Variants in B3GAT1 observed in about 807,000 individuals in gnomAD.
The protein encoded by B3GAT1 is galactosylgalactosylxylosylprotein 3-beta-glucuronosyltransferase 1.
B3GAT1 carries 11 observed loss-of-function variants against 28.4 expected under a neutral mutation model. That is an observed-to-expected ratio of 0.39 (90% CI 0.24 to 0.64). B3GAT1 has a LOEUF of 0.64. Ranked by LOEUF, B3GAT1 falls within the 30% of genes least tolerant of loss-of-function variation. B3GAT1 has a pLI of 0.50. For synonymous variants in B3GAT1, 255 were observed against 223.1 expected (o/e 1.14, Z -1.27); for missense variants, 375 against 491.0 (o/e 0.76, Z 2.23).
chr11:134,391,347 C>CA (rs1654212831), intron 1 of B3GAT1: 1 of 152,186 alleles, frequency 6.6e-6, no homozygotes, highest in African/African-American at 2.4e-5. Context: ...CTGGGCTGGG[C>CA]AGGGGCTTGG....
At chr11:134,399,258 C>T (rs886761439) in intron 1 of B3GAT1, among the ~76,000 whole-genome samples, 2 of 152,198 alleles carry the variant, frequency 1.3e-5, no homozygotes, top group Non-Finnish European at 2.9e-5. Flanking sequence ...GAATAGACCA[C>T]GCCAGGATTT....
At chr11:134,399,057 G>A (rs189433748) in intron 1 of B3GAT1, among the ~76,000 whole-genome samples, 17 of 152,160 alleles carry the variant, frequency 1.1e-4, no homozygotes, top group Admixed American at 2.0e-4. Flanking sequence ...CTCCCTCCCC[G>A]GGGGGGCTCA....
rs1478130819 is a variant in B3GAT1 at position 134,411,905 on chromosome 11, G to C, written c.-380C>G. On this transcript the variant is annotated 5_prime_UTR_variant, in exon 1 of 6. Transcript: ENST00000312527. This position sits in a 1 kb window ranked among gnomAD's most constrained non-coding sequence, Gnocchi z 6.0. Reference sequence around the variant, plus strand: ...CCCCTAGACCGCTGCCCTGGGCCGCGTGCGGCTCCCTCCCCGGGGACTGTC... The same window carrying C: ...CCCCTAGACCGCTGCCCTGGGCCGCCTGCGGCTCCCTCCCCGGGGACTGTC... The C allele has an allele frequency of 6.7e-6, 1 of 150,060 alleles. No homozygotes were observed. The highest frequency in any genetic ancestry group is 1.5e-5 in the Non-Finnish European group (1 of 67,372). 9.3% of individuals were successfully genotyped at this position (150,060 alleles called of 1,614,324 possible). A position where few individuals can be genotyped will look rare whatever the true frequency, so the allele number is the denominator to read the frequency against.
intron 1 of B3GAT1, among the ~76,000 whole-genome samples, chr11:134,397,542 C>T (rs1944529017): frequency 7.1e-6 from 1 of 141,492 alleles, no homozygotes; most frequent in African/African-American, 2.9e-5. Context: ...ACAGGGGGGG[C>T]CAGAGGGCAG....
In B3GAT1 at chr11:134,387,736, C is replaced by CGGCA; in HGVS notation, c.-81_-78dup. 6.3e-7 allele frequency: 1 copy of CGGCA among 1,589,192 alleles called. No homozygotes were observed. The highest frequency in any genetic ancestry group is 8.6e-7 in the Non-Finnish European group (1 of 1,168,520). ...TCAGGAGAGGGGCGGCCACGGGCGG[C>CGGCA]GGCAGCACAGGGGAGAAAAGAACAG... is the stretch of plus-strand genomic sequence containing the variant. On this transcript the variant is annotated 5_prime_UTR_variant, in exon 2 of 6. It removes the in-frame stop codon of an upstream open reading frame in the 5' UTR. Coordinates refer to ENST00000312527, the MANE Select transcript of B3GAT1 (RefSeq NM_054025.3).
In B3GAT1 at chr11:134,382,749, G is replaced by A. The variant is rs374245735; in HGVS notation, c.879C>T (p.Thr293=). ...CTGCCTTGGGCTCCAGGTCGTTGAGGGTGACAAGTTCTCGAAGGAGGCTGC... is the reference window on the plus strand; with the variant it reads ...CTGCCTTGGGCTCCAGGTCGTTGAGAGTGACAAGTTCTCGAAGGAGGCTGC... ...QESSLLRELV[T]LNDLEPKAAN... is the part of the protein sequence containing the mutation. The change falls in exon 4 of 6, where the codon ACC becomes ACT. Residue 293 remains threonine, a synonymous_variant. Coordinates refer to ENST00000312527, the MANE Select transcript of B3GAT1 (RefSeq NM_054025.3). 1.1e-5 allele frequency: 17 copies of A among 1,613,954 alleles called. No homozygotes were observed. Among genetic ancestry groups the A allele is most frequent in the Non-Finnish European group, 1.4e-5 (16 of 1,179,976 alleles).
rs1944167231 is a variant in B3GAT1 at position 134,382,895 on chromosome 11, A to T, written c.733T>A (p.Phe245Ile). The change falls in exon 4 of 6, where the codon TTT becomes ATT. Residue 245 changes from phenylalanine (F) to isoleucine (I), a missense_variant. Transcript: ENST00000312527. The stretch of plus-strand genomic sequence containing the variant: ...ATTGCAAATGGCCGGTGGGGGTCAA[A>T]CACCGTCTTCCAGCCGACCACCTTC... ...AGKVVGWKTV[F>I]DPHRPFAIDM... The T allele has an allele frequency of 6.2e-7, 1 of 1,613,838 alleles. No individual in the cohort carries two copies. Among genetic ancestry groups the T allele is most frequent in the Admixed American group, 1.7e-5 (1 of 59,982 alleles).
At chr11:134,397,979 C>T (rs1265375301) in intron 1 of B3GAT1, among the ~76,000 whole-genome samples, 3 of 152,246 alleles carry the variant, frequency 2.0e-5, no homozygotes, top group African/African-American at 4.8e-5. Context: ...CTGACCACAG[C>T]GACTCAGGTG....
Position 134,382,952 on chromosome 11 carries a change from G to T in B3GAT1, c.676C>A (p.Arg226=). The change falls in exon 4 of 6, where the codon CGG becomes AGG. Residue 226 remains arginine, a synonymous_variant. Coordinates refer to ENST00000312527, the MANE Select transcript of B3GAT1 (RefSeq NM_054025.3). ...CCGTTCACCCGTGGGGCCTCGTACC[G>T]CAGGCCACCCACGAAGGCGACGGGC... ...VWPVAFVGGL[R]YEAPRVNGAG... is the part of the protein sequence containing the mutation. The T allele has an allele frequency of 1.2e-6, 2 of 1,604,924 alleles. No homozygotes were observed. Among genetic ancestry groups the T allele is most frequent in the South Asian group, 2.2e-5 (2 of 89,870 alleles).
rs1317196170 is a variant in B3GAT1 at position 134,387,748 on chromosome 11, G to A, written c.-89C>T. On this transcript the variant is annotated 5_prime_UTR_variant, in exon 2 of 6. Coordinates refer to ENST00000312527, the MANE Select transcript of B3GAT1 (RefSeq NM_054025.3). ...CGGCCACGGGCGGCGGCAGCACAGG[G>A]GAGAAAAGAACAGGCATGGGCCGGG... 19 of 1,577,390 alleles carry A rather than the reference G, an allele frequency of 1.2e-5. No individual in the cohort carries two copies. Among genetic ancestry groups the A allele is most frequent in the Non-Finnish European group, 1.5e-5 (18 of 1,162,866 alleles).
intron 2 of B3GAT1, chr11:134,384,963 GCCCTCCTGTCCTAGCTTACCGT>G (rs1944240673): frequency 6.6e-6 from 1 of 152,148 alleles, no homozygotes. Context: ...TGACGGTGTG[GCCCTCCTGTCCTAGCTTACCGT>G]CGGGTGGTAA....
chr11:134,390,672 G>T (rs1944392067), intron 1 of B3GAT1: 1 of 152,294 alleles, frequency 6.6e-6, no homozygotes, highest in South Asian at 2.1e-4. Flanking sequence ...CGTCACAGCA[G>T]CCCTGTGCAG....
In B3GAT1 at chr11:134,411,396, A is replaced by G. The variant is rs1944850042; in HGVS notation, c.-282+411T>C. 6.6e-6 allele frequency among the ~76,000 whole-genome samples: 1 copy of G among 152,094 alleles called. No individual in the cohort carries two copies. The highest frequency in any genetic ancestry group is 1.5e-5 in the Non-Finnish European group (1 of 68,014). On this transcript the variant is annotated intron_variant, in intron 1 of 5. Transcript: ENST00000312527. This position sits in a 1 kb window ranked among gnomAD's most constrained non-coding sequence, Gnocchi z 6.0. ...GCCCAGGAGCCAGAGAGCGATCCAG[A>G]GAGCGCTGTTGGGCAGCAGGGGTGG...
chr11:134,400,347 G>A (rs577387393), intron 1 of B3GAT1, among the ~76,000 whole-genome samples: 21 of 152,298 alleles, frequency 1.4e-4, no homozygotes, highest in Non-Finnish European at 2.9e-4. Flanking sequence ...ACCCAAAGCA[G>A]GAGCTATGCC....
chr11:134,409,166 C>T (rs1032469086), intron 1 of B3GAT1, among the ~76,000 whole-genome samples: 2 of 152,176 alleles, frequency 1.3e-5, no homozygotes, highest in Admixed American at 1.3e-4. Flanking sequence ...GCTTAGAGAG[C>T]TCTGTTTTTT....
Position 134,395,357 on chromosome 11 carries a change from C to T in B3GAT1, c.-281-7417G>A, listed in dbSNP as rs114543506. 1.1e-3 allele frequency among the ~76,000 whole-genome samples: 165 copies of T among 152,248 alleles called. 1 individual carries two copies. The highest frequency in any genetic ancestry group is 3.7e-3 in the African/African-American group (153 of 41,550). ...GGACGCTGGACAATGGTGAGCCAGG[C>T]CCATGGAAGACCCCAGAGAGGAGCC... is the stretch of plus-strand genomic sequence containing the variant. On this transcript the variant is annotated intron_variant, in intron 1 of 5. Coordinates refer to ENST00000312527, the MANE Select transcript of B3GAT1 (RefSeq NM_054025.3).
intron 1 of B3GAT1, among the ~76,000 whole-genome samples, chr11:134,401,130 T>C (rs1330268547): frequency 2.0e-5 from 3 of 152,216 alleles, no homozygotes; most frequent in Non-Finnish European, 4.4e-5. Context: ...GGAACACTCG[T>C]ACATTGTTGG....
At chr11:134,404,031 T>A (rs534793607) in intron 1 of B3GAT1, among the ~76,000 whole-genome samples, 953 of 90,028 alleles carry the variant, frequency 0.011, 18 homozygotes, top group Admixed American at 0.022. Flanking sequence ...ATATATATAT[T>A]TATTATACGT....
chr11:134,387,493 G>T, intron 2 of B3GAT1, 55 bp downstream of exon 2: 1 of 1,603,058 alleles, frequency 6.2e-7, no homozygotes, highest in Non-Finnish European at 8.5e-7. Flanking sequence ...GTCAGCTGTG[G>T]TCACTGTCAC....
Sources: allele counts gnomAD v4.1 joint callset (sites outside exome capture counted in the v4.1 genomes callset), GRCh38; gene constraint gnomAD v4.1.1; non-coding constraint Gnocchi (gnomAD v3.1); transcripts MANE v1.5; gene names NCBI Gene and HGNC (gene_info 2026-07-23, HGNC 2026-07-21).